CDH23: variants seen among roughly 807,000 people sequenced by gnomAD.
CDH23 encodes cadherin related 23.
In CDH23, 189 loss-of-function variants were observed where a neutral mutation model predicts 317.1. The ratio of observed to expected loss-of-function variants is 0.60; its 90% CI spans 0.53 to 0.67. The LOEUF is 0.67. CDH23 is among the 30% of genes least tolerant of loss of function. The pLI, the probability that CDH23 is intolerant of heterozygous loss-of-function variation, is 0.00. For missense variants in CDH23, 4,401 were observed against 4,592.4 expected, an observed-to-expected ratio of 0.96 and a Z score of 1.20; for synonymous variants, 1,839 against 1,876.8, an observed-to-expected ratio of 0.98 and a Z score of 0.52.
At chr10:71,784,069 G>A (rs937663799) in intron 41 of CDH23, among the ~76,000 whole-genome samples, 10 of 152,154 alleles carry the variant, frequency 6.6e-5, no homozygotes, top group South Asian at 2.1e-4. Context: ...GCCCGTGTCC[G>A]CCTGCACCCG....
rs367949981 is a variant in CDH23, at chr10:71,675,182, A to T, written c.1514+6A>T. On this transcript the variant is annotated splice_donor_region_variant and intron_variant, in intron 15 of 69. Transcript: ENST00000224721. Reference sequence around the variant, plus strand: ...TTCAGTGATGACCCTGACAGGTGAGACTCTGCCCACAGCCCCTCAGGCCCC... The same window carrying T: ...TTCAGTGATGACCCTGACAGGTGAGTCTCTGCCCACAGCCCCTCAGGCCCC... 6.2e-7 allele frequency: 1 copy of T among 1,612,698 alleles called. No individual in the cohort carries two copies. Among genetic ancestry groups the T allele is most frequent in the South Asian group, 1.1e-5 (1 of 91,026 alleles).
intron 6 of CDH23, among the ~76,000 whole-genome samples, chr10:71,530,380 C>T (rs934523964): frequency 1.8e-4 from 27 of 152,206 alleles, no homozygotes; most frequent in Admixed American, 1.3e-4. Flanking sequence ...CTCTCAGCAG[C>T]CGGAGTCACA....
chr10:71,684,978 A>T (rs1589331225), intron 18 of CDH23, among the ~76,000 whole-genome samples: 1 of 152,214 alleles, frequency 6.6e-6, no homozygotes, highest in African/African-American at 2.4e-5. Context: ...GCTGAGGCTC[A>T]GGGAGGACCC....
At chr10:71,726,684 G>A (rs752959869) in intron 30 of CDH23, among the ~76,000 whole-genome samples, 2 of 152,226 alleles carry the variant, frequency 1.3e-5, no homozygotes, top group Non-Finnish European at 2.9e-5. Flanking sequence ...AATCTTATTC[G>A]TGGGCTGGTC....
At chr10:71,431,345 G>A (rs1260439333) in intron 1 of CDH23, among the ~76,000 whole-genome samples, 1 of 152,182 alleles carries the variant, frequency 6.6e-6, no homozygotes, top group African/African-American at 2.4e-5. Context: ...AAGCTTCTGG[G>A]AGGGATCCAG....
intron 14 of CDH23, among the ~76,000 whole-genome samples, chr10:71,673,204 A>C (rs1006302081): frequency 6.6e-6 from 1 of 152,302 alleles, no homozygotes; most frequent in African/African-American, 2.4e-5. Flanking sequence ...AGTGAGCCCC[A>C]CAGGTGCCTG....
intron 26 of CDH23, among the ~76,000 whole-genome samples, chr10:71,708,241 G>C (rs1020016812): frequency 2.0e-5 from 3 of 152,124 alleles, no homozygotes; most frequent in African/African-American, 7.2e-5. Context: ...GGGAGCACCT[G>C]GCAGCCTGCA....
At chr10:71,806,486 A>G (rs936683998) in intron 57 of CDH23, among the ~76,000 whole-genome samples, 2 of 151,776 alleles carry the variant, frequency 1.3e-5, no homozygotes, top group Non-Finnish European at 2.9e-5. Flanking sequence ...AAAAAAAAAA[A>G]GGCAGACCAA....
rs2132824512 is a variant in CDH23, at chr10:71,732,023, G to A, written c.3752G>A (p.Gly1251Asp). The change falls in exon 32 of 70, where the codon GGC becomes GAC. Residue 1251 changes from glycine to aspartate, a missense_variant. Gly to Asp is a moderately conservative substitution (Grantham distance 94). Around this residue, in one of 3 missense-constraint regions of CDH23, gnomAD observed 3,068 missense variants for 3,203.3 expected, o/e 0.96. Transcript: ENST00000224721. ...GGLVNYRILS[G>D]AEGKFEIDES... ...CTGGTGAACTACCGCATCCTGTCGG[G>A]CGCAGAGGGGAAGTTTGAGATTGAC... 1 of 1,613,974 alleles carries A rather than the reference G, an allele frequency of 6.2e-7. No homozygotes were observed. The highest frequency in any genetic ancestry group is 8.5e-7 in the Non-Finnish European group (1 of 1,179,876).
intron 19 of CDH23, 47 bp from the exon 20 acceptor site, chr10:71,690,421 G>C (rs1011597284): frequency 5.5e-6 from 8 of 1,441,792 alleles, no homozygotes; most frequent in Non-Finnish European, 6.7e-6. Flanking sequence ...GAAGCCAGGG[G>C]CCCAGGGTGA....
intron 3 of CDH23, among the ~76,000 whole-genome samples, chr10:71,483,001 A>G (rs1459466959): frequency 6.6e-6 from 1 of 152,240 alleles, no homozygotes; most frequent in African/African-American, 2.4e-5. Context: ...GGACATTGAG[A>G]GGTGCAGTCA....
chr10:71,648,162 C>G lies in CDH23; in HGVS notation c.1449+1545C>G, dbSNP rs560269446. On this transcript the variant is annotated intron_variant, in intron 14 of 69. Coordinates refer to ENST00000224721, the MANE Select transcript of CDH23 (RefSeq NM_022124.6). ...TGCGGCAGCTGTTTTCTTCACCTCC[C>G]GCGTCTCTAGCCCATGACTCCTCCA... Among the ~76,000 whole-genome samples, 15 of 152,312 alleles carry G rather than the reference C, an allele frequency of 9.8e-5. 1 individual carries two copies. The Middle Eastern group carries it at 0.027, about 276-fold the overall frequency.
intron 1 of CDH23, among the ~76,000 whole-genome samples, chr10:71,419,673 A>G (rs1436136893): frequency 6.6e-6 from 1 of 152,084 alleles, no homozygotes; most frequent in Non-Finnish European, 1.5e-5. Flanking sequence ...TACTTTTTCT[A>G]TCTATTCACT....
intron 9 of CDH23, among the ~76,000 whole-genome samples, chr10:71,590,635 A>G (rs141654361): frequency 7.7e-4 from 118 of 152,288 alleles, no homozygotes; most frequent in African/African-American, 2.8e-3. Flanking sequence ...AGCAAAAGCA[A>G]TTTAGTTGAG....
chr10:71,592,103 G>A (rs2132448449), intron 9 of CDH23, among the ~76,000 whole-genome samples: 2 of 152,096 alleles, frequency 1.3e-5, no homozygotes, highest in East Asian at 3.9e-4. Context: ...TGATTTGAAG[G>A]GTCTTGGGCC....
chr10:71,615,707 C>A, intron 10 of CDH23, 91 bp downstream of exon 10: 1 of 872,614 alleles, frequency 1.1e-6, no homozygotes, highest in Admixed American at 2.1e-5. Flanking sequence ...CTCCTGCCCC[C>A]GGTGGTGGCG....
At chr10:71,790,474 G>A (rs1841217684) in intron 46 of CDH23, 61 bp downstream of exon 46, 17 of 1,583,628 alleles carry the variant, frequency 1.1e-5, no homozygotes, top group Non-Finnish European at 1.4e-5. Flanking sequence ...TGGCCACACT[G>A]CTGGATTGAG....
chr10:71,775,426 C>A (rs1840795815), intron 38 of CDH23, among the ~76,000 whole-genome samples: 1 of 152,168 alleles, frequency 6.6e-6, no homozygotes, highest in Non-Finnish European at 1.5e-5. Context: ...AGCCTCTGAG[C>A]TGGGCCCAGT....
chr10:71,668,012 C>A (rs990278389), intron 14 of CDH23, among the ~76,000 whole-genome samples: 2 of 152,280 alleles, frequency 1.3e-5, no homozygotes, highest in Non-Finnish European at 1.5e-5. Context: ...TCCCTCCAAT[C>A]CAGGCCCTAA....
Sources: gnomAD v4.1 joint callset for allele counts (sites outside exome capture counted in the v4.1 genomes callset) on GRCh38, gnomAD v4.1.1 for gene constraint, gnomAD v4.1.1 regional missense constraint, MANE v1.5 for transcripts, NCBI Gene and HGNC (gene_info 2026-07-23, HGNC 2026-07-21) for gene names.